The following EPB41L2 variants were observed in gnomAD, a reference collection of about 807,000 sequenced individuals.
EPB41L2 encodes the protein erythrocyte membrane protein band 4.1 like 2.
A neutral mutation model predicts 113.0 loss-of-function variants in EPB41L2; 43 were observed. The ratio of observed to expected loss-of-function variants is 0.38; its 90% CI spans 0.30 to 0.49. EPB41L2 has a LOEUF of 0.49. Among genes scored for constraint, EPB41L2 ranks in the 20% least tolerant of loss-of-function variants. The probability of loss-of-function intolerance (pLI) is 0.95; values close to 1 mark genes in which losing one functional copy is unlikely to be tolerated. For synonymous variants in EPB41L2, 442 were observed against 436.7 expected, an observed-to-expected ratio of 1.01 and a Z score of -0.15; for missense variants, 1,147 against 1,223.4, an observed-to-expected ratio of 0.94 and a Z score of 0.93.
At position 130,964,124 on chromosome 6, in the gene EPB41L2, C is replaced by G. The variant is rs190521717; in HGVS notation, c.-14-7625G>C. On this transcript the variant is annotated intron_variant, in intron 1 of 19. Coordinates refer to ENST00000337057, the MANE Select transcript of EPB41L2 (RefSeq NM_001431.4). ...GCAATCTCCGCCTGCCGGGTTCAAGCGACTCTCCTGCCTCAGCCTCCCAAG... is the reference window on the plus strand; with the variant it reads ...GCAATCTCCGCCTGCCGGGTTCAAGGGACTCTCCTGCCTCAGCCTCCCAAG... Among the ~76,000 whole-genome samples the G allele has an allele frequency of 2.0e-3, 308 of 151,632 alleles. 1 individual carries two copies. Among genetic ancestry groups the G allele is most frequent in the African/African-American group, 7.3e-3 (302 of 41,292 alleles).
At chr6:130,973,613 C>T (rs1777449146) in intron 1 of EPB41L2, among the ~76,000 whole-genome samples, 1 of 152,274 alleles carries the variant, frequency 6.6e-6, no homozygotes, top group African/African-American at 2.4e-5. Context: ...CTGCCTCCTT[C>T]CTTTCTATTC....
In EPB41L2 at chr6:130,901,091, G is replaced by C; in HGVS notation, c.1019C>G (p.Thr340Ser). Residue 340 changes from threonine to serine, a missense_variant, in exon 7 of 20, where the codon ACC (threonine) becomes AGC (serine). By Grantham distance (58) the Thr-to-Ser change is moderately conservative. Coordinates refer to ENST00000337057, the MANE Select transcript of EPB41L2 (RefSeq NM_001431.4). ...FVTHALLGSYTLQAELGDYDP... is the reference protein window; with the variant it reads ...FVTHALLGSYSLQAELGDYDP... ...ATAGTCACCAAGTTCAGCCTGCAGG[G>C]TGTAGGATCCCAGGAGAGCATGAGT... 6.2e-7 allele frequency: 1 copy of C among 1,614,132 alleles called. No homozygotes were observed. Among genetic ancestry groups the C allele is most frequent in the Admixed American group, 1.7e-5 (1 of 60,016 alleles).
chr6:131,024,537 A>T (rs1414944502), intron 1 of EPB41L2, among the ~76,000 whole-genome samples: 1 of 152,190 alleles, frequency 6.6e-6, no homozygotes, highest in African/African-American at 2.4e-5. Flanking sequence ...CAACCACAAG[A>T]GCTATTCACC....
chr6:131,008,329 G>A (rs546583174), intron 1 of EPB41L2, among the ~76,000 whole-genome samples: 15 of 152,368 alleles, frequency 9.8e-5, no homozygotes, highest in Middle Eastern at 3.4e-3. Flanking sequence ...TTGACCCTGC[G>A]GGCGCGCAGA....
intron 1 of EPB41L2, chr6:131,062,608 C>T (rs1192830117): frequency 1.3e-5 from 2 of 151,632 alleles, no homozygotes; most frequent in Non-Finnish European, 2.9e-5. Flanking sequence ...CCCGGCTTCC[C>T]GCAGTCCCCA....
intron 1 of EPB41L2, among the ~76,000 whole-genome samples, chr6:131,043,539 T>C (rs549785137): frequency 1.3e-5 from 2 of 152,134 alleles, no homozygotes; most frequent in African/African-American, 4.8e-5. Flanking sequence ...AGGAAGGATA[T>C]AGGACAACCC....
chr6:131,037,537 A>AT (rs1236620938), intron 1 of EPB41L2, among the ~76,000 whole-genome samples: 9 of 149,844 alleles, frequency 6.0e-5, no homozygotes, highest in South Asian at 2.1e-4. Context: ...AATTATGGTA[A>AT]TTTTTTTTTC....
At chr6:130,958,755 T>C (rs1266485640) in intron 1 of EPB41L2, among the ~76,000 whole-genome samples, 1 of 152,156 alleles carries the variant, frequency 6.6e-6, no homozygotes, top group African/African-American at 2.4e-5. Context: ...GAAGCTGAAC[T>C]GGTAATAATG....
chr6:130,907,501 A>C (rs1398748634), intron 5 of EPB41L2, among the ~76,000 whole-genome samples: 2 of 152,180 alleles, frequency 1.3e-5, no homozygotes, highest in Non-Finnish European at 2.9e-5. Flanking sequence ...CCTGCCTGGG[A>C]CTGGTTCCAG....
At chr6:131,012,534 T>A (rs1416725599) in intron 1 of EPB41L2, among the ~76,000 whole-genome samples, 1 of 148,142 alleles carries the variant, frequency 6.8e-6, no homozygotes, top group African/African-American at 2.5e-5. Context: ...AACTATACAA[T>A]GAAGAAGAAA....
chr6:130,925,549 T>G lies in EPB41L2; in HGVS notation c.810+1056A>C, dbSNP rs73617166. 8.5e-3 allele frequency among the ~76,000 whole-genome samples: 1,287 copies of G among 152,290 alleles called. 29 individuals carry two copies. The highest frequency in any genetic ancestry group is 0.03 in the African/African-American group (1,238 of 41,548). ...AGAGAACATGTTATTCTACATATTGTACAACATACTGAATTGTCCCTCTAC... is the reference window on the plus strand; with the variant it reads ...AGAGAACATGTTATTCTACATATTGGACAACATACTGAATTGTCCCTCTAC... On this transcript the variant is annotated intron_variant, in intron 4 of 19. Coordinates refer to ENST00000337057, the MANE Select transcript of EPB41L2 (RefSeq NM_001431.4).
At chr6:130,845,134 C>G (rs1161128792) in intron 19 of EPB41L2, among the ~76,000 whole-genome samples, 1 of 152,216 alleles carries the variant, frequency 6.6e-6, no homozygotes, top group Non-Finnish European at 1.5e-5. Context: ...AAAGTCAATT[C>G]TTAAAATGTC....
chr6:130,955,862 A>G, intron 2 of EPB41L2, 132 bp downstream of exon 2: 1 of 1,449,866 alleles, frequency 6.9e-7, no homozygotes, highest in Non-Finnish European at 9.2e-7. Flanking sequence ...TCTAAGACCC[A>G]TTCCGTATAC....
At chr6:130,881,732 G>A (rs1789369277) in intron 12 of EPB41L2, 1 of 151,918 alleles carries the variant, frequency 6.6e-6, no homozygotes, top group Non-Finnish European at 1.5e-5. Context: ...TTTAAATAAA[G>A]GAGCACTATG....
At chr6:130,915,457 A>T (rs1800734691) in intron 4 of EPB41L2, among the ~76,000 whole-genome samples, 1 of 152,216 alleles carries the variant, frequency 6.6e-6, no homozygotes, top group Non-Finnish European at 1.5e-5. Context: ...GCAGAAAAAA[A>T]CCTGGTTAAT....
intron 3 of EPB41L2, among the ~76,000 whole-genome samples, chr6:130,943,600 A>C (rs551575703): frequency 2.0e-4 from 30 of 152,242 alleles, no homozygotes; most frequent in Non-Finnish European, 4.3e-4. Flanking sequence ...GCTCACAGTT[A>C]GAAATTACTT....
intron 14 of EPB41L2, among the ~76,000 whole-genome samples, chr6:130,877,421 G>A (rs1330324934): frequency 1.3e-5 from 2 of 152,224 alleles, no homozygotes; most frequent in African/African-American, 4.8e-5. Flanking sequence ...TAGAGGCACA[G>A]ATGTGGATGA....
intron 16 of EPB41L2, 112 bp from the exon 17 acceptor site, chr6:130,865,746 G>A (rs1783545338): frequency 2.8e-6 from 3 of 1,072,026 alleles, no homozygotes; most frequent in Admixed American, 4.3e-5. Context: ...TGGTTTGCGT[G>A]TTTGCAGTAG....
At chr6:131,049,870 G>A (rs1796189103) in intron 1 of EPB41L2, among the ~76,000 whole-genome samples, 1 of 152,166 alleles carries the variant, frequency 6.6e-6, no homozygotes, top group South Asian at 2.1e-4. Context: ...CAGACTTCCT[G>A]AGTTTTCCAA....
Sources: gnomAD v4.1 joint callset for allele counts (sites outside exome capture counted in the v4.1 genomes callset) on GRCh38, gnomAD v4.1.1 for gene constraint, MANE v1.5 for transcripts, NCBI Gene and HGNC (gene_info 2026-07-23, HGNC 2026-07-21) for gene names.